RSPH14: variants seen among roughly 807,000 people sequenced by gnomAD.
The protein encoded by RSPH14 is rhabdoid tumor deletion region gene 1.
Under a neutral mutation model 26.7 loss-of-function variants are expected in RSPH14, and 20 were observed. That is an observed-to-expected ratio of 0.75 (90% CI 0.53 to 1.09). The LOEUF is 1.09. Ranked by LOEUF, RSPH14 falls within the 50% of genes least tolerant of loss-of-function variation. RSPH14 has a pLI of 0.00. For missense variants in RSPH14, 449 were observed against 457.2 expected (o/e 0.98, Z 0.16); for synonymous variants, 177 against 189.3 (o/e 0.93, Z 0.53).
At chr22:23,096,077 A>T (rs2069115288) in intron 4 of RSPH14, 1 of 1,608,818 alleles carries the variant, frequency 6.2e-7, no homozygotes, top group Non-Finnish European at 8.5e-7. Flanking sequence ...GCTGGGTGTC[A>T]TGCGACGGCT....
intron 4 of RSPH14, among the ~76,000 whole-genome samples, chr22:23,064,445 G>A (rs1023192969): frequency 3.9e-5 from 6 of 152,160 alleles, no homozygotes; most frequent in African/African-American, 1.4e-4. Flanking sequence ...GAGGCAATAA[G>A]CCACCCCTCG....
chr22:23,094,186 T>A (rs1239678642), intron 4 of RSPH14, among the ~76,000 whole-genome samples: 1 of 151,946 alleles, frequency 6.6e-6, no homozygotes, highest in East Asian at 1.9e-4. Flanking sequence ...GGAGGCTGCG[T>A]GGGTCTCCGG....
Position 23,059,701 on chromosome 22 carries a change from C to T in RSPH14, c.808G>A (p.Glu270Lys). 6.5e-7 allele frequency: 1 copy of T among 1,542,638 alleles called. No homozygotes were observed. The highest frequency in any genetic ancestry group is 8.7e-7 in the Non-Finnish European group (1 of 1,145,852). Residue 270 changes from glutamate to lysine, a missense_variant, in exon 7 of 7, where the codon GAG becomes AAG. By Grantham distance (56) the Glu-to-Lys change is moderately conservative (BLOSUM62 1). Transcript: ENST00000216036. Reference protein sequence around the residue: ...VITEGKYAALEAQAIGLLLEL... With the variant: ...VITEGKYAALKAQAIGLLLEL... ...AGGAGCAGGCCGATGGCTTGTGCCT[C>T]CAGGGCCGCATACTTCCCTGCAGGC... is the stretch of plus-strand genomic sequence containing the variant.
chr22:23,105,315 A>C (rs1392924204), intron 4 of RSPH14, among the ~76,000 whole-genome samples: 1 of 152,258 alleles, frequency 6.6e-6, no homozygotes, highest in African/African-American at 2.4e-5. Flanking sequence ...CACCCAGCTC[A>C]AGCAGTAACA....
rs1288288427 is a variant in RSPH14, at chr22:23,115,366, C to T, written c.421+18660G>A. On this transcript the variant is annotated intron_variant, in intron 4 of 6. Transcript: ENST00000216036. ...CAGTGTGATTTGGGGCTGCATGGAT[C>T]CAGAGTAGGGAGGTGACGGTCCCAC... 2.0e-5 allele frequency among the ~76,000 whole-genome samples: 3 copies of T among 152,144 alleles called. No individual in the cohort carries two copies. In the East Asian group the frequency reaches 5.8e-4, roughly 29 times the overall value.
chr22:23,145,261 C>CAA, upstream of RSPH14: 3 of 1,021,000 alleles, frequency 2.9e-6, no homozygotes, highest in East Asian at 2.6e-5. Flanking sequence ...ACCGCCCACC[C>CAA]ATCCAGCACC....
At position 23,087,343 on chromosome 22, in the gene RSPH14, G is replaced by A. The variant is rs143117153; in HGVS notation, c.422-23210C>T. Among the ~76,000 whole-genome samples, 294 of 152,308 alleles carry A rather than the reference G, an allele frequency of 1.9e-3. 1 individual carries two copies. Among genetic ancestry groups the A allele is most frequent in the Middle Eastern group, 0.01 (3 of 294 alleles). On this transcript the variant is annotated intron_variant, in intron 4 of 6. Transcript: ENST00000216036. Reference sequence around the variant, plus strand: ...TAGCTGGGCGTGGTGGCGCGTGCCTGCAGTCCCAGCTACTCGAGGCTCAGG... The same window carrying A: ...TAGCTGGGCGTGGTGGCGCGTGCCTACAGTCCCAGCTACTCGAGGCTCAGG...
chr22:23,077,237 C>A (rs999664013), intron 4 of RSPH14, among the ~76,000 whole-genome samples: 3 of 152,184 alleles, frequency 2.0e-5, no homozygotes, highest in Non-Finnish European at 4.4e-5. Flanking sequence ...GACACTGATG[C>A]TAACCCCTTA....
intron 4 of RSPH14, among the ~76,000 whole-genome samples, chr22:23,116,177 G>A (rs1875655284): frequency 6.6e-6 from 1 of 152,232 alleles, no homozygotes; most frequent in Non-Finnish European, 1.5e-5. Context: ...CCTCACTGAG[G>A]GGCACAGGGC....
At chr22:23,173,143 T>C in the RSPH14 span, among the ~76,000 whole-genome samples, 7 of 152,066 alleles carry the variant, frequency 4.6e-5, no homozygotes, top group Non-Finnish European at 1.0e-4. Context: ...TTTTTTTCTT[T>C]TTTTTCTTTG....
chr22:23,164,667 C>T, the RSPH14 span, among the ~76,000 whole-genome samples: 4 of 152,186 alleles, frequency 2.6e-5, no homozygotes, highest in Non-Finnish European at 2.9e-5. Context: ...AGCCAAGGTG[C>T]GGCAATGACC....
At chr22:23,164,521 A>C in the RSPH14 span, among the ~76,000 whole-genome samples, 1 of 152,178 alleles carries the variant, frequency 6.6e-6, no homozygotes, top group Admixed American at 6.5e-5. Context: ...GAATTGCTTC[A>C]GGGTGGTTTG....
intron 4 of RSPH14, among the ~76,000 whole-genome samples, chr22:23,069,620 G>A (rs567862448): frequency 1.3e-5 from 2 of 152,104 alleles, no homozygotes; most frequent in East Asian, 3.9e-4. Flanking sequence ...CCAGCTCCTC[G>A]GTCCTTCTCC....
At chr22:23,143,375 A>G (rs1025190382), upstream of RSPH14, among the ~76,000 whole-genome samples, 8 of 152,076 alleles carry the variant, frequency 5.3e-5, no homozygotes, top group Non-Finnish European at 1.0e-4. Flanking sequence ...GCAAACAGAT[A>G]TGCTTCTTTC....
chr22:23,062,066 A>C, intron 5 of RSPH14, 121 bp from the exon 6 acceptor site: 1 of 1,196,532 alleles, frequency 8.4e-7, no homozygotes, highest in Non-Finnish European at 1.2e-6. Flanking sequence ...AGGTAGTCCC[A>C]GGACTGGTCC....
Position 23,095,524 on chromosome 22 carries a change from G to A in RSPH14, c.422-31391C>T, listed in dbSNP as rs371654920. On this transcript the variant is annotated intron_variant, in intron 4 of 6. Transcript: ENST00000216036. ...GCTGCACAGAGCGCCATGCCGGCTG[G>A]AGAAGAGGCGCTGGGGCAGGGGCTG... 2.0e-4 allele frequency: 135 copies of A among 688,986 alleles called. No homozygotes were observed. The South Asian group carries it at 2.5e-3, about 13-fold the overall frequency. 42.7% of individuals were successfully genotyped at this position (688,986 alleles called of 1,614,324 possible).
intron 4 of RSPH14, among the ~76,000 whole-genome samples, chr22:23,086,960 G>A (rs188340056): frequency 1.1e-3 from 170 of 152,376 alleles, no homozygotes; most frequent in African/African-American, 3.9e-3. Flanking sequence ...GACAGGGAGT[G>A]TGCAGCTTGT....
chr22:23,092,904 T>C (rs2069024725), intron 4 of RSPH14, among the ~76,000 whole-genome samples: 1 of 152,164 alleles, frequency 6.6e-6, no homozygotes, highest in Non-Finnish European at 1.5e-5. Flanking sequence ...TCCCACTGGG[T>C]TGGACACTGC....
chr22:23,162,325 A>AC, the RSPH14 span: 2 of 304,360 alleles, frequency 6.6e-6, no homozygotes, highest in South Asian at 6.0e-5. Flanking sequence ...CAGTGCATTT[A>AC]CCTGTGTGCT....
Sources: allele counts gnomAD v4.1 joint callset (sites outside exome capture counted in the v4.1 genomes callset), GRCh38; gene constraint gnomAD v4.1.1; transcripts MANE v1.5; gene names NCBI Gene and HGNC (gene_info 2026-07-23, HGNC 2026-07-21).